Variants in CARMIL1 observed in about 807,000 individuals in gnomAD.
CARMIL1 encodes the protein capping protein regulator and myosin 1 linker 1.
A neutral mutation model predicts 177.1 loss-of-function variants in CARMIL1; 90 were observed. The ratio of observed to expected loss-of-function variants is 0.51; its 90% CI spans 0.43 to 0.61. The LOEUF is 0.61. CARMIL1 is among the 20% of genes least tolerant of loss of function. The probability of loss-of-function intolerance (pLI) is 0.00; values close to 1 mark genes in which losing one functional copy is unlikely to be tolerated. For synonymous variants in CARMIL1, 577 were observed against 606.2 expected, an observed-to-expected ratio of 0.95 and a Z score of 0.71; for missense variants, 1,380 against 1,667.0, an observed-to-expected ratio of 0.83 and a Z score of 3.00.
intron 36 of CARMIL1, among the ~76,000 whole-genome samples, chr6:25,610,772 G>T (rs143157249): frequency 6.6e-6 from 1 of 152,326 alleles, no homozygotes; most frequent in African/African-American, 2.4e-5. Context: ...TGACGAGAAT[G>T]CTTTCTTCCC....
intron 2 of CARMIL1, among the ~76,000 whole-genome samples, chr6:25,405,430 G>A (rs1794274616): frequency 6.6e-6 from 1 of 152,146 alleles, no homozygotes; most frequent in African/African-American, 2.4e-5. Context: ...ATTTAACCCT[G>A]TAGTCCTGTT....
chr6:25,459,242 C>CTTTCTTTCTT (rs1554200819), intron 8 of CARMIL1, among the ~76,000 whole-genome samples: 3 of 100,788 alleles, frequency 3.0e-5, no homozygotes, highest in African/African-American at 1.1e-4. Flanking sequence ...TTCTTTCTTT[C>CTTTCTTTCTT]TTTCTTTCTT....
At chr6:25,548,302 A>G (rs1423600682) in intron 26 of CARMIL1, among the ~76,000 whole-genome samples, 1 of 152,136 alleles carries the variant, frequency 6.6e-6, no homozygotes, top group South Asian at 2.1e-4. Context: ...AGACTTGCAA[A>G]TTTCTCACCT....
intron 17 of CARMIL1, among the ~76,000 whole-genome samples, chr6:25,500,600 G>A (rs557257131): frequency 2.6e-4 from 39 of 152,160 alleles, no homozygotes; most frequent in Non-Finnish European, 5.1e-4. Flanking sequence ...ACCTAACTTG[G>A]ATTTTGTAGA....
At chr6:25,356,352 C>T (rs1052793503) in intron 2 of CARMIL1, among the ~76,000 whole-genome samples, 9 of 152,336 alleles carry the variant, frequency 5.9e-5, no homozygotes, top group African/African-American at 1.7e-4. Flanking sequence ...CCACCGCGCC[C>T]GGTCCTCCTT....
At chr6:25,368,746 TTAA>T (rs1211479555) in intron 2 of CARMIL1, among the ~76,000 whole-genome samples, 1 of 152,204 alleles carries the variant, frequency 6.6e-6, no homozygotes, top group African/African-American at 2.4e-5. Context: ...AGATGTGGAA[TTAA>T]TGAGATTTTA....
At position 25,435,540 on chromosome 6, in the gene CARMIL1, G is replaced by C. The variant is rs578076496; in HGVS notation, c.307G>C (p.Val103Leu). The C allele has an allele frequency of 6.4e-7, 1 of 1,557,120 alleles. No homozygotes were observed. Among genetic ancestry groups the C allele is most frequent in the African/African-American group, 1.4e-5 (1 of 73,564 alleles). The change falls in exon 5 of 37, where the codon GTG becomes CTG. Residue 103 changes from valine to leucine, a missense_variant. Coordinates refer to ENST00000329474, the MANE Select transcript of CARMIL1 (RefSeq NM_017640.6). Reference sequence around the variant, plus strand: ...CATGAAGATGGCGTCACCCGAGGACGTGAGTGAGGTGCTGGCTCACATAGG... The same window carrying C: ...CATGAAGATGGCGTCACCCGAGGACCTGAGTGAGGTGCTGGCTCACATAGG... The part of the protein sequence containing the change: ...ISMKMASPED[V>L]SEVLAHIGTC...
intron 5 of CARMIL1, among the ~76,000 whole-genome samples, chr6:25,442,851 A>C (rs1381737906): frequency 6.6e-6 from 1 of 152,088 alleles, no homozygotes; most frequent in Non-Finnish European, 1.5e-5. Context: ...TCTCTGATTG[A>C]TTTCCCCTTA....
In CARMIL1 at chr6:25,609,294, G is replaced by A. The variant is rs538851217; in HGVS notation, c.3848-756G>A. On this transcript the variant is annotated intron_variant, in intron 35 of 36. Transcript: ENST00000329474. ...ATCCTGGCTAACACAGTGAAACCCC[G>A]TCTCTACTAAAAATACAAAAAATTA... is the stretch of plus-strand genomic sequence containing the variant. Among the ~76,000 whole-genome samples, 558 of 151,970 alleles carry A rather than the reference G, an allele frequency of 3.7e-3. 2 individuals are homozygous for A. The highest frequency in any genetic ancestry group is 0.013 in the African/African-American group (542 of 41,454).
At chr6:25,574,292 C>T (rs1038617979) in intron 29 of CARMIL1, among the ~76,000 whole-genome samples, 1 of 152,178 alleles carries the variant, frequency 6.6e-6, no homozygotes, top group Non-Finnish European at 1.5e-5. Context: ...ACAAAAATTA[C>T]TCACAAATGC....
At chr6:25,367,813 C>G (rs537084864) in intron 2 of CARMIL1, among the ~76,000 whole-genome samples, 1 of 152,148 alleles carries the variant, frequency 6.6e-6, no homozygotes, top group African/African-American at 2.4e-5. Context: ...GGCTGGAGTG[C>G]AGTGGCATGA....
chr6:25,544,744 A>G (rs2151146778), intron 26 of CARMIL1, among the ~76,000 whole-genome samples: 1 of 152,280 alleles, frequency 6.6e-6, no homozygotes, highest in South Asian at 2.1e-4. Context: ...AGGTCCAAAT[A>G]TGAGTAAATA....
intron 2 of CARMIL1, among the ~76,000 whole-genome samples, chr6:25,298,720 T>C (rs1182317279): frequency 6.6e-6 from 1 of 151,404 alleles, no homozygotes; most frequent in Non-Finnish European, 1.5e-5. Context: ...GTTGCCTCAC[T>C]CAGTTTGCTT....
In CARMIL1 at chr6:25,450,395, G is replaced by C. The variant is rs771759479; in HGVS notation, c.526G>C (p.Glu176Gln). The part of the protein sequence containing the change: ...VCDWLGFSYR[E>Q]EVQWDVDTIY... ...TGACTGGCTTGGATTTTCATACAGG[G>C]AAGAAGTACAATGGGTAAGAATGTC... The change falls in exon 7 of 37, where the codon GAA becomes CAA. Residue 176 changes from glutamate (E) to glutamine (Q), a missense_variant. Physicochemically the swap from Glu to Gln is conservative, Grantham distance 29. Transcript: ENST00000329474. The C allele has an allele frequency of 6.2e-6, 10 of 1,612,954 alleles. No homozygotes were observed. The South Asian group carries it at 1.1e-4, about 18-fold the overall frequency.
At chr6:25,420,238 T>G (rs1025057694) in intron 3 of CARMIL1, 74 bp downstream of exon 3, 2 of 1,342,294 alleles carry the variant, frequency 1.5e-6, no homozygotes, top group South Asian at 2.3e-5. Context: ...ACTCATGCAT[T>G]CTTACATGTG....
At chr6:25,379,189 A>G (rs1791300399) in intron 2 of CARMIL1, among the ~76,000 whole-genome samples, 1 of 152,246 alleles carries the variant, frequency 6.6e-6, no homozygotes, top group Non-Finnish European at 1.5e-5. Flanking sequence ...TGCCATTATT[A>G]GCTTTGTATT....
intron 36 of CARMIL1, among the ~76,000 whole-genome samples, chr6:25,611,695 A>G (rs546643127): frequency 6.6e-6 from 1 of 152,256 alleles, no homozygotes; most frequent in African/African-American, 2.4e-5. Context: ...AGAAGAAAAA[A>G]GATCAGAAGG....
At chr6:25,303,403 A>G (rs987639091) in intron 2 of CARMIL1, among the ~76,000 whole-genome samples, 5 of 152,144 alleles carry the variant, frequency 3.3e-5, no homozygotes, top group African/African-American at 1.2e-4. Context: ...TATTTCCTCA[A>G]TTGGGGAAGT....
At chr6:25,308,999 G>A (rs1220152876) in intron 2 of CARMIL1, among the ~76,000 whole-genome samples, 2 of 152,130 alleles carry the variant, frequency 1.3e-5, no homozygotes, top group African/African-American at 2.4e-5. Flanking sequence ...TTCTGCACCT[G>A]CCTCCTGCAA....
Sources: gnomAD v4.1 joint callset for allele counts (sites outside exome capture counted in the v4.1 genomes callset) on GRCh38, gnomAD v4.1.1 for gene constraint, MANE v1.5 for transcripts, NCBI Gene and HGNC (gene_info 2026-07-23, HGNC 2026-07-21) for gene names.